TUB: variants seen among roughly 807,000 people sequenced by gnomAD.
TUB encodes TUB bipartite transcription factor.
Under a neutral mutation model 59.7 loss-of-function variants are expected in TUB, and 33 were observed. That is an observed-to-expected ratio of 0.55 (90% CI 0.42 to 0.74). TUB has a LOEUF of 0.74. Ranked by LOEUF, TUB falls within the 30% of genes least tolerant of loss-of-function variation. The probability of loss-of-function intolerance (pLI) is 0.00; values close to 1 mark genes in which losing one functional copy is unlikely to be tolerated. For synonymous variants in TUB, 293 were observed against 256.4 expected, an observed-to-expected ratio of 1.14 and a Z score of -1.36; for missense variants, 659 against 672.0, an observed-to-expected ratio of 0.98 and a Z score of 0.21.
intron 2 of TUB, chr11:8,062,193 G>C (rs139195979): frequency 1.3e-5 from 2 of 152,480 alleles, no homozygotes; most frequent in Non-Finnish European, 2.9e-5. Context: ...GGGGAGGGTC[G>C]CTGTTTGAGA....
chr11:8,083,778 G>A (rs892197244), intron 1 of TUB, among the ~76,000 whole-genome samples: 2 of 152,128 alleles, frequency 1.3e-5, no homozygotes, highest in South Asian at 4.1e-4. Flanking sequence ...TGTAGAGAGG[G>A]GGGTGTGTAG....
intron 1 of TUB, among the ~76,000 whole-genome samples, chr11:8,021,217 C>T (rs1360602836): frequency 2.6e-5 from 4 of 152,164 alleles, no homozygotes; most frequent in Admixed American, 2.0e-4. Flanking sequence ...AATCCCAGTA[C>T]TTTGGGAAGC....
At chr11:8,086,898 G>A (rs540066597) in intron 1 of TUB, among the ~76,000 whole-genome samples, 1 of 152,338 alleles carries the variant, frequency 6.6e-6, no homozygotes, top group Admixed American at 6.5e-5. Flanking sequence ...TTTCTCTGAA[G>A]GCCAGTGGTT....
At chr11:8,040,419 A>G (rs1528129) in intron 2 of TUB, among the ~76,000 whole-genome samples, 30,392 of 151,972 alleles carry the variant, frequency 0.2, 3,348 homozygotes, top group African/African-American at 0.29. Flanking sequence ...CTTCCAAGGG[A>G]CCAGGCCAGA....
chr11:8,026,268 T>A (rs1441524010), intron 1 of TUB, among the ~76,000 whole-genome samples: 2 of 152,202 alleles, frequency 1.3e-5, no homozygotes, highest in East Asian at 3.8e-4. Context: ...TTCATTTTCT[T>A]ATGTATTTTC....
intron 1 of TUB, 36 bp downstream of exon 1, chr11:8,081,584 C>A (rs189235110): frequency 0.017 from 25,993 of 1,497,560 alleles, 254 homozygotes; most frequent in Non-Finnish European, 0.02. Flanking sequence ...CCACCACTCC[C>A]GACTCGGGAC....
intron 5 of TUB, among the ~76,000 whole-genome samples, chr11:8,095,982 G>A (rs897388789): frequency 5.3e-5 from 8 of 152,202 alleles, no homozygotes; most frequent in Admixed American, 2.0e-4. Context: ...TAGATCCTCC[G>A]TGGAAACCTG....
At chr11:8,089,971 G>C in intron 2 of TUB, 98 bp from the exon 3 acceptor site, 1 of 1,436,916 alleles carries the variant, frequency 7.0e-7, no homozygotes, top group Non-Finnish European at 9.2e-7. Flanking sequence ...CCAAGGACAT[G>C]GGGCCTTGGC....
At chr11:8,045,531 C>T (rs750980960) in intron 2 of TUB, among the ~76,000 whole-genome samples, 24 of 152,088 alleles carry the variant, frequency 1.6e-4, no homozygotes, top group East Asian at 3.8e-4. Flanking sequence ...GTTGAGTATC[C>T]GGAATATCCG....
At position 8,101,480 on chromosome 11, in the gene TUB, C is replaced by T. The variant is rs772662118; in HGVS notation, c.1388-6C>T. The T allele has an allele frequency of 1.9e-6, 3 of 1,614,134 alleles. No homozygotes were observed. Among genetic ancestry groups the T allele is most frequent in the Admixed American group, 3.3e-5 (2 of 60,032 alleles). On this transcript the variant is annotated splice_polypyrimidine_tract_variant and splice_region_variant and intron_variant, in intron 11 of 11. Transcript: ENST00000299506. Reference sequence around the variant, plus strand: ...TTTCTCTGTCTGTGCCTGTGCTTGGCCCCAGCGGACTACATCGTGATGCAG... The same window carrying T: ...TTTCTCTGTCTGTGCCTGTGCTTGGTCCCAGCGGACTACATCGTGATGCAG...
At position 8,059,342 on chromosome 11, in the gene TUB, T is replaced by C. The variant is rs368016988; in HGVS notation, c.203+19650T>C. Among the ~76,000 whole-genome samples, 13 of 151,986 alleles carry C rather than the reference T, an allele frequency of 8.6e-5. No individual in the cohort carries two copies. In the East Asian group the frequency reaches 2.5e-3, roughly 29 times the overall value. On this transcript the variant is annotated intron_variant, in intron 2 of 12. Coordinates refer to the TUB transcript ENST00000305253. ...TCGCAGTTAGTTACACCCTGGAGAG[T>C]ACAGGGGCAAAAAAAGAAGAAATTG...
chr11:8,067,268 G>A (rs1943263060), intron 2 of TUB, among the ~76,000 whole-genome samples: 1 of 152,158 alleles, frequency 6.6e-6, no homozygotes, highest in Non-Finnish European at 1.5e-5. Context: ...TGCTGAGTCA[G>A]GGTCTAGGAG....
chr11:8,051,382 T>C (rs1452741892), intron 2 of TUB, among the ~76,000 whole-genome samples: 1 of 152,254 alleles, frequency 6.6e-6, no homozygotes, highest in Non-Finnish European at 1.5e-5. Context: ...TATGGATTTG[T>C]TGAAATTTAA....
intron 1 of TUB, chr11:8,039,131 C>G (rs1219547282): frequency 2.1e-6 from 3 of 1,407,568 alleles, no homozygotes; most frequent in East Asian, 4.9e-5. Context: ...CCAAGGCCTC[C>G]CCTTCCTGAT....
At chr11:8,100,092 A>C (rs1944202330) in intron 9 of TUB, among the ~76,000 whole-genome samples, 1 of 152,186 alleles carries the variant, frequency 6.6e-6, no homozygotes, top group South Asian at 2.1e-4. Flanking sequence ...CCAACAACAG[A>C]AACCAGGAGT....
rs561184107 is a variant in TUB, at chr11:8,053,563, C to G, written c.203+13871C>G. Among the ~76,000 whole-genome samples the G allele has an allele frequency of 1.8e-3, 273 of 151,730 alleles. 3 individuals are homozygous for G. Among genetic ancestry groups the G allele is most frequent in the Admixed American group, 2.7e-3 (42 of 15,278 alleles). ...TCGCCCAGGCTGGAGTGCAGTTGCACGATCTCGGCTCACTGCAAGCTCCGC... is the reference window on the plus strand; with the variant it reads ...TCGCCCAGGCTGGAGTGCAGTTGCAGGATCTCGGCTCACTGCAAGCTCCGC... On this transcript the variant is annotated intron_variant, in intron 2 of 12. Transcript: ENST00000305253.
chr11:8,055,839 C>T (rs1564904673), intron 2 of TUB, among the ~76,000 whole-genome samples: 1 of 152,208 alleles, frequency 6.6e-6, no homozygotes, highest in Non-Finnish European at 1.5e-5. Flanking sequence ...AAGCAGGAGC[C>T]CTGGCCTCCC....
intron 2 of TUB, among the ~76,000 whole-genome samples, chr11:8,073,409 A>G (rs2133799849): frequency 6.6e-6 from 1 of 152,378 alleles, no homozygotes; most frequent in African/African-American, 2.4e-5. Context: ...TGCATTTCAC[A>G]TTTTAAATAA....
chr11:8,056,422 T>C (rs115225357), intron 2 of TUB, among the ~76,000 whole-genome samples: 307 of 152,114 alleles, frequency 2.0e-3, no homozygotes, highest in African/African-American at 6.7e-3. Flanking sequence ...GAAGTATAAA[T>C]AAATGATGGG....
Sources: gnomAD v4.1 joint callset for allele counts (sites outside exome capture counted in the v4.1 genomes callset) on GRCh38, gnomAD v4.1.1 for gene constraint, MANE v1.5 for transcripts, NCBI Gene and HGNC (gene_info 2026-07-23, HGNC 2026-07-21) for gene names.